Variants in NFATC2 observed in about 807,000 individuals in gnomAD.
NFATC2 encodes nuclear factor of activated T cells 2.
In NFATC2, 22 loss-of-function variants were observed where a neutral mutation model predicts 87.3. The observed-to-expected ratio is 0.25, with a 90% CI of 0.18 to 0.36. The LOEUF (loss-of-function observed/expected upper bound fraction) is 0.36. NFATC2 is among the 10% of genes least tolerant of loss of function. The pLI is 1.00. For synonymous variants in NFATC2, 565 were observed against 542.2 expected (o/e 1.04, Z -0.58); for missense variants, 1,149 against 1,259.1 (o/e 0.91, Z 1.32).
At chr20:51,501,930 G>C (rs1026383459) in intron 3 of NFATC2, among the ~76,000 whole-genome samples, 2 of 152,238 alleles carry the variant, frequency 1.3e-5, no homozygotes, top group Non-Finnish European at 2.9e-5. Flanking sequence ...AGCAACCAGA[G>C]ACAATATGCA....
chr20:51,398,839 A>T, intron 9 of NFATC2, 109 bp from the exon 10 acceptor site: 1 of 773,472 alleles, frequency 1.3e-6, no homozygotes, highest in Non-Finnish European at 2.2e-6. Context: ...GAGGGAACTT[A>T]ACCCTTTGGC....
intron 1 of NFATC2, among the ~76,000 whole-genome samples, chr20:51,526,431 G>T (rs1051873290): frequency 6.6e-6 from 1 of 152,182 alleles, no homozygotes; most frequent in Non-Finnish European, 1.5e-5. Context: ...GCCCTTTAGA[G>T]AATTTTACAA....
intron 1 of NFATC2, among the ~76,000 whole-genome samples, chr20:51,534,728 G>A (rs972864623): frequency 2.6e-5 from 4 of 151,974 alleles, no homozygotes; most frequent in Admixed American, 1.3e-4. Context: ...ACACACACTC[G>A]AACATTTCAA....
chr20:51,462,408 T>C (rs1303426687), intron 5 of NFATC2, among the ~76,000 whole-genome samples: 4 of 152,258 alleles, frequency 2.6e-5, no homozygotes, highest in Middle Eastern at 3.4e-3. Context: ...ATCGCGCCAC[T>C]GCACTCCAGC....
intron 3 of NFATC2, among the ~76,000 whole-genome samples, chr20:51,510,547 G>C (rs1266632739): frequency 6.6e-6 from 1 of 152,218 alleles, no homozygotes; most frequent in East Asian, 1.9e-4. Context: ...TCAGGCTTGT[G>C]CATTAAGATT....
At chr20:51,458,069 G>C (rs1986762506) in intron 5 of NFATC2, among the ~76,000 whole-genome samples, 1 of 151,930 alleles carries the variant, frequency 6.6e-6, no homozygotes, top group Non-Finnish European at 1.5e-5. Flanking sequence ...TAGAGGCAGG[G>C]TTTTGCCATG....
At chr20:51,441,012 G>T (rs778576977) in intron 6 of NFATC2, among the ~76,000 whole-genome samples, 4 of 152,232 alleles carry the variant, frequency 2.6e-5, no homozygotes, top group Non-Finnish European at 5.9e-5. Context: ...GCCAGGTGTT[G>T]TGGTTCACAC....
chr20:51,491,702 A>C (rs1276891245), intron 3 of NFATC2, among the ~76,000 whole-genome samples: 1 of 151,948 alleles, frequency 6.6e-6, no homozygotes, highest in Non-Finnish European at 1.5e-5. Flanking sequence ...AGCTCTCACA[A>C]GGCCACGAAA....
At chr20:51,404,863 G>A (rs1988405928) in intron 9 of NFATC2, among the ~76,000 whole-genome samples, 1 of 152,158 alleles carries the variant, frequency 6.6e-6, no homozygotes, top group Non-Finnish European at 1.5e-5. Flanking sequence ...GCAAACCAGA[G>A]GCCTCCGGAA....
chr20:51,459,318 T>C (rs1263422520), intron 5 of NFATC2, among the ~76,000 whole-genome samples: 2 of 152,102 alleles, frequency 1.3e-5, no homozygotes, highest in Non-Finnish European at 2.9e-5. Context: ...ACAAATGGCA[T>C]AGGATCCCAT....
intron 6 of NFATC2, among the ~76,000 whole-genome samples, chr20:51,446,696 T>TA (rs761214720): frequency 2.6e-5 from 4 of 152,236 alleles, no homozygotes; most frequent in Non-Finnish European, 4.4e-5. Flanking sequence ...GGCAAATATT[T>TA]AGATCCCTGA....
intron 1 of NFATC2, among the ~76,000 whole-genome samples, chr20:51,549,369 T>A (rs2076914529): frequency 6.6e-6 from 1 of 152,198 alleles, no homozygotes; most frequent in African/African-American, 2.4e-5. Flanking sequence ...GCCTCCCAGG[T>A]GCAAGCGATT....
intron 1 of NFATC2, among the ~76,000 whole-genome samples, chr20:51,555,929 T>G (rs1487763720): frequency 6.6e-6 from 1 of 152,238 alleles, no homozygotes; most frequent in African/African-American, 2.4e-5. Flanking sequence ...AAGTCCTAAC[T>G]CTAGATCCTA....
intron 9 of NFATC2, among the ~76,000 whole-genome samples, chr20:51,416,838 G>A (rs996923907): frequency 6.6e-6 from 1 of 152,188 alleles, no homozygotes; most frequent in African/African-American, 2.4e-5. Context: ...ACAGATGGGA[G>A]CTGAGCATGG....
intron 10 of NFATC2, among the ~76,000 whole-genome samples, chr20:51,393,189 G>T (rs1457832469): frequency 2.0e-5 from 3 of 152,196 alleles, no homozygotes; most frequent in Non-Finnish European, 4.4e-5. Flanking sequence ...TACATGAGAG[G>T]TCGGATTCTG....
At chr20:51,469,219 G>A (rs1383555411) in intron 5 of NFATC2, among the ~76,000 whole-genome samples, 1 of 152,120 alleles carries the variant, frequency 6.6e-6, no homozygotes, top group African/African-American at 2.4e-5. Context: ...TTTTCACCAT[G>A]TTAGTCAGGC....
At chr20:51,411,509 C>T (rs907175150) in intron 9 of NFATC2, among the ~76,000 whole-genome samples, 1 of 141,016 alleles carries the variant, frequency 7.1e-6, no homozygotes, top group Non-Finnish European at 1.5e-5. Context: ...TGAAGCAATG[C>T]AATTGTCTTT....
chr20:51,403,161 T>TA (rs1988225559), intron 9 of NFATC2, among the ~76,000 whole-genome samples: 1 of 152,224 alleles, frequency 6.6e-6, no homozygotes, highest in African/African-American at 2.4e-5. Flanking sequence ...CTATCTTTTG[T>TA]ATTTTAAGTC....
At position 51,389,982 on chromosome 20, in the gene NFATC2, C is replaced by T. The variant is rs2146190805; in HGVS notation, c.*1514G>A. The T allele has an allele frequency of 6.6e-6, 1 of 152,296 alleles. No homozygotes were observed. Among genetic ancestry groups the T allele is most frequent in the East Asian group, 1.9e-4 (1 of 5,182 alleles). 9.4% of individuals were successfully genotyped at this position (152,296 alleles called of 1,614,324 possible). The stretch of plus-strand genomic sequence containing the variant: ...GCTGAAAAATGAATCCCCCGCTTGT[C>T]CTGGGGTATCTGCAGTACATGCAAA... On this transcript the variant is annotated 3_prime_UTR_variant, in exon 11 of 11. Coordinates refer to ENST00000371564, the MANE Select transcript of NFATC2 (RefSeq NM_012340.5).
Sources: gnomAD v4.1 joint callset for allele counts (sites outside exome capture counted in the v4.1 genomes callset) on GRCh38, gnomAD v4.1.1 for gene constraint, MANE v1.5 for transcripts, NCBI Gene and HGNC (gene_info 2026-07-23, HGNC 2026-07-21) for gene names.